The following ZHX2 variants were observed in gnomAD, a reference collection of about 807,000 sequenced individuals.
ZHX2 encodes the protein zinc fingers and homeoboxes 2.
Under a neutral mutation model 21.9 loss-of-function variants are expected in ZHX2, and 6 were observed. The observed-to-expected ratio is 0.27, with a 90% CI of 0.15 to 0.54. ZHX2 has a LOEUF of 0.54. Ranked by LOEUF, ZHX2 falls within the 20% of genes least tolerant of loss-of-function variation. The pLI is 0.95. For synonymous variants in ZHX2, 434 were observed against 437.1 expected, an observed-to-expected ratio of 0.99 and a Z score of 0.09; for missense variants, 908 against 1,090.7, an observed-to-expected ratio of 0.83 and a Z score of 2.36.
At chr8:122,839,719 G>T (rs1020729884) in intron 1 of ZHX2, among the ~76,000 whole-genome samples, 1 of 152,094 alleles carries the variant, frequency 6.6e-6, no homozygotes, top group Admixed American at 6.5e-5. Flanking sequence ...GCATGGGATC[G>T]TGGGGGGTTT....
intron 1 of ZHX2, among the ~76,000 whole-genome samples, chr8:122,847,999 G>A (rs1563752720): frequency 6.6e-6 from 1 of 152,290 alleles, no homozygotes; most frequent in East Asian, 1.9e-4. Flanking sequence ...TCTTGGACAA[G>A]GGCCACATCA....
Position 122,951,470 on chromosome 8 carries a change from A to G in ZHX2, c.-41A>G. 2.8e-5 allele frequency: 34 copies of G among 1,231,182 alleles called. No homozygotes were observed. Among genetic ancestry groups the G allele is most frequent in the African/African-American group, 4.5e-5 (3 of 66,954 alleles). 76.3% of individuals were successfully genotyped at this position (1,231,182 alleles called of 1,614,324 possible). A position where few individuals can be genotyped will look rare whatever the true frequency, so the allele number is the denominator to read the frequency against. ...CCAAGAATCTCACCGCCCCCTCCTTATCCCCCTCCAAAAATAAGCCATTGC... is the reference window on the plus strand; with the variant it reads ...CCAAGAATCTCACCGCCCCCTCCTTGTCCCCCTCCAAAAATAAGCCATTGC... On this transcript the variant is annotated 5_prime_UTR_variant, in exon 3 of 4. Coordinates refer to ENST00000314393, the MANE Select transcript of ZHX2 (RefSeq NM_014943.5).
intron 2 of ZHX2, among the ~76,000 whole-genome samples, chr8:122,926,630 C>T (rs781669912): frequency 9.2e-5 from 14 of 152,136 alleles, no homozygotes; most frequent in Non-Finnish European, 1.6e-4. Flanking sequence ...TTTTCTTCCT[C>T]GTTCGGCTGG....
chr8:122,871,756 G>T (rs1819446023), intron 2 of ZHX2, among the ~76,000 whole-genome samples: 1 of 141,872 alleles, frequency 7.0e-6, no homozygotes. Flanking sequence ...AACTATGTCT[G>T]GTACAGAGGG....
At chr8:122,825,131 C>A (rs1259433156) in intron 1 of ZHX2, among the ~76,000 whole-genome samples, 1 of 152,200 alleles carries the variant, frequency 6.6e-6, no homozygotes, top group African/African-American at 2.4e-5. Context: ...AACATAACTG[C>A]AAGTTCTGGA....
At chr8:122,968,505 C>T (rs945631981) in intron 3 of ZHX2, among the ~76,000 whole-genome samples, 1 of 152,074 alleles carries the variant, frequency 6.6e-6, no homozygotes, top group African/African-American at 2.4e-5. Flanking sequence ...CAGACTGTGC[C>T]CCCTACCCTC....
At chr8:122,972,476 A>G (rs1031345374) in intron 3 of ZHX2, among the ~76,000 whole-genome samples, 1 of 152,204 alleles carries the variant, frequency 6.6e-6, no homozygotes, top group Non-Finnish European at 1.5e-5. Context: ...TAGCTGTGTG[A>G]TCTTGGGAAA....
At chr8:122,926,055 C>T (rs1820844513) in intron 2 of ZHX2, among the ~76,000 whole-genome samples, 1 of 152,174 alleles carries the variant, frequency 6.6e-6, no homozygotes, top group African/African-American at 2.4e-5. Flanking sequence ...TAGTGTCCTT[C>T]ACAGAAGCCA....
At chr8:122,924,806 G>A (rs1286779816) in intron 2 of ZHX2, among the ~76,000 whole-genome samples, 1 of 152,196 alleles carries the variant, frequency 6.6e-6, no homozygotes, top group Non-Finnish European at 1.5e-5. Flanking sequence ...CATACCCCAT[G>A]TATTGTAGCT....
intron 2 of ZHX2, among the ~76,000 whole-genome samples, chr8:122,927,191 C>T (rs2130118108): frequency 6.6e-6 from 1 of 152,292 alleles, no homozygotes; most frequent in East Asian, 1.9e-4. Context: ...TGTTCTCATG[C>T]TGCTAATAAA....
At chr8:122,963,150 T>C (rs1214306602) in intron 3 of ZHX2, among the ~76,000 whole-genome samples, 1 of 152,178 alleles carries the variant, frequency 6.6e-6, no homozygotes. Flanking sequence ...TTTATCTTTG[T>C]TTTTGCTGCA....
Position 122,782,486 on chromosome 8 carries a change from G to A in ZHX2, c.-283+540G>A, listed in dbSNP as rs1817308361. Among the ~76,000 whole-genome samples, 1 of 152,142 alleles carries A rather than the reference G, an allele frequency of 6.6e-6. No homozygotes were observed. The highest frequency in any genetic ancestry group is 1.5e-5 in the Non-Finnish European group (1 of 68,016). Reference sequence around the variant, plus strand: ...CTCCGCGCGTTTTGGCAGGCGGGGGGCTGCGTGTGTCTGCTCCCCTCCCTC... The same window carrying A: ...CTCCGCGCGTTTTGGCAGGCGGGGGACTGCGTGTGTCTGCTCCCCTCCCTC... On this transcript the variant is annotated intron_variant, in intron 1 of 3. Transcript: ENST00000314393. The surrounding 1 kb of genome is among the most constrained non-coding windows in gnomAD (Gnocchi z 5.3).
intron 1 of ZHX2, among the ~76,000 whole-genome samples, chr8:122,797,026 A>G (rs1171719205): frequency 6.6e-6 from 1 of 152,128 alleles, no homozygotes; most frequent in Non-Finnish European, 1.5e-5. Context: ...ACGATCCTCA[A>G]TAGTTTGGAG....
chr8:122,919,919 C>T (rs1006809417), intron 2 of ZHX2, among the ~76,000 whole-genome samples: 1 of 152,192 alleles, frequency 6.6e-6, no homozygotes, highest in Non-Finnish European at 1.5e-5. Flanking sequence ...AATTCCTACA[C>T]CCATAGATAG....
chr8:122,882,975 C>T (rs1393502509), intron 2 of ZHX2, among the ~76,000 whole-genome samples: 1 of 152,062 alleles, frequency 6.6e-6, no homozygotes, highest in Non-Finnish European at 1.5e-5. Context: ...GAGTGAGACT[C>T]TGTCCCCAAA....
At chr8:122,849,836 A>G (rs1413512570) in intron 1 of ZHX2, among the ~76,000 whole-genome samples, 1 of 152,222 alleles carries the variant, frequency 6.6e-6, no homozygotes, top group East Asian at 1.9e-4. Context: ...TGAGGATGAT[A>G]TCGGTGCCTA....
chr8:122,827,672 A>G (rs140880612), intron 1 of ZHX2, among the ~76,000 whole-genome samples: 294 of 152,366 alleles, frequency 1.9e-3, no homozygotes, highest in African/African-American at 6.5e-3. Context: ...GTGAAAAAGG[A>G]GAGAATCTGT....
intron 1 of ZHX2, among the ~76,000 whole-genome samples, chr8:122,842,785 C>T (rs188307791): frequency 9.7e-4 from 148 of 152,318 alleles, no homozygotes; most frequent in African/African-American, 3.4e-3. Flanking sequence ...AGGCCCAAGA[C>T]TTTTCTCCCC....
In ZHX2 at chr8:122,820,156, A is replaced by T. The variant is rs985980543; in HGVS notation, c.-283+38210A>T. ...CATTCTTACTCAAACCCAGGGGGAA[A>T]AGCCGGCTGCTCTCCAGTCCCTGTC... is the stretch of plus-strand genomic sequence containing the variant. On this transcript the variant is annotated intron_variant, in intron 1 of 3. Transcript: ENST00000314393. Among the ~76,000 whole-genome samples the T allele has an allele frequency of 6.6e-5, 10 of 152,314 alleles. No homozygotes were observed. In the East Asian group the frequency reaches 1.4e-3, roughly 21 times the overall value.
Sources: allele counts gnomAD v4.1 joint callset (sites outside exome capture counted in the v4.1 genomes callset), GRCh38; gene constraint gnomAD v4.1.1; non-coding constraint Gnocchi (gnomAD v3.1); transcripts MANE v1.5; gene names NCBI Gene and HGNC (gene_info 2026-07-23, HGNC 2026-07-21).